The following MCHR2 variants were observed in gnomAD, a reference collection of about 807,000 sequenced individuals.
MCHR2 encodes the protein melanin-concentrating hormone receptor 2.
In MCHR2, 15 loss-of-function variants were observed where a neutral mutation model predicts 24.8. The observed-to-expected ratio is 0.60, with a 90% confidence interval of 0.40 to 0.93. MCHR2 has a LOEUF of 0.93. Among genes scored for constraint, MCHR2 ranks in the 40% least tolerant of loss-of-function variants. The pLI, the probability that MCHR2 is intolerant of heterozygous loss-of-function variation, is 0.00. For synonymous variants in MCHR2, 151 were observed against 147.6 expected, an observed-to-expected ratio of 1.02 and a Z score of -0.17; for missense variants, 386 against 408.7, an observed-to-expected ratio of 0.94 and a Z score of 0.48.
At chr6:99,993,437 C>T (rs1486407262) in intron 1 of MCHR2, among the ~76,000 whole-genome samples, 1 of 152,182 alleles carries the variant, frequency 6.6e-6, no homozygotes, top group Non-Finnish European at 1.5e-5. Context: ...GAGGCGCGTA[C>T]AGGGGACACG....
chr6:99,941,375 G>T (rs1429325687), intron 4 of MCHR2, among the ~76,000 whole-genome samples: 1 of 151,764 alleles, frequency 6.6e-6, no homozygotes, highest in Non-Finnish European at 1.5e-5. Context: ...ATTTTCTGAG[G>T]GCTCTGGGAG....
intron 1 of MCHR2, among the ~76,000 whole-genome samples, chr6:99,957,977 T>C (rs1484310243): frequency 6.6e-6 from 1 of 151,980 alleles, no homozygotes; most frequent in East Asian, 1.9e-4. Flanking sequence ...CTGTGAAAGA[T>C]GATAACATAC....
chr6:99,979,893 T>G (rs1393233270), intron 1 of MCHR2, among the ~76,000 whole-genome samples: 1 of 152,238 alleles, frequency 6.6e-6, no homozygotes, highest in African/African-American at 2.4e-5. Flanking sequence ...CTGAAAAATG[T>G]ATGCTCCTTT....
intron 1 of MCHR2, among the ~76,000 whole-genome samples, chr6:99,983,213 C>G (rs999159757): frequency 5.9e-5 from 9 of 152,126 alleles, no homozygotes; most frequent in Non-Finnish European, 1.3e-4. Flanking sequence ...TCAAGTGATC[C>G]TCCATCCTTG....
At chr6:99,978,840 G>T (rs1775611594) in intron 1 of MCHR2, among the ~76,000 whole-genome samples, 1 of 152,176 alleles carries the variant, frequency 6.6e-6, no homozygotes, top group South Asian at 2.1e-4. Context: ...AGTTTGTGCT[G>T]CAGTCAGTGT....
chr6:99,971,080 T>A (rs945754790), intron 1 of MCHR2, among the ~76,000 whole-genome samples: 1 of 152,156 alleles, frequency 6.6e-6, no homozygotes, highest in African/African-American at 2.4e-5. Context: ...TTAAAGTAGT[T>A]TTTTCCAATT....
At chr6:99,972,895 G>A (rs2114572096) in intron 1 of MCHR2, among the ~76,000 whole-genome samples, 1 of 152,210 alleles carries the variant, frequency 6.6e-6, no homozygotes, top group Admixed American at 6.5e-5. Context: ...TTAATCTTGA[G>A]TTCTAGTTTG....
Position 99,929,512 on chromosome 6 carries a change from C to T in MCHR2, c.707+4886G>A, listed in dbSNP as rs191320843. Among the ~76,000 whole-genome samples, 439 of 152,264 alleles carry T rather than the reference C, an allele frequency of 2.9e-3. 1 individual carries two copies. The highest frequency in any genetic ancestry group is 3.7e-3 in the Non-Finnish European group (254 of 68,042). ...GTCACTCAGGACTTGCTTTATGAAT[C>T]TGGGTGCTGCTGTATTGGGTGCATA... On this transcript the variant is annotated intron_variant, in intron 5 of 5. Transcript: ENST00000281806.
chr6:99,948,258 C>G (rs1237548458), intron 2 of MCHR2, among the ~76,000 whole-genome samples: 1 of 152,140 alleles, frequency 6.6e-6, no homozygotes, highest in Non-Finnish European at 1.5e-5. Context: ...TAACTTGCTT[C>G]TAACAATGAG....
intron 1 of MCHR2, among the ~76,000 whole-genome samples, chr6:99,982,041 G>A (rs9376634): frequency 0.65 from 98,400 of 151,784 alleles, 32,624 homozygotes; most frequent in African/African-American, 0.78. Flanking sequence ...ATCTAATTCC[G>A]TACTCTAGAT....
Position 99,960,716 on chromosome 6 carries a change from A to C in MCHR2, c.-27-4542T>G, listed in dbSNP as rs568839221. Among the ~76,000 whole-genome samples the C allele has an allele frequency of 2.6e-3, 401 of 152,312 alleles. 1 individual carries two copies. The highest frequency in any genetic ancestry group is 4.2e-3 in the Non-Finnish European group (288 of 68,020). On this transcript the variant is annotated intron_variant, in intron 1 of 5. Transcript: ENST00000281806. The stretch of plus-strand genomic sequence containing the variant: ...CTGATCTATGACAAATCTGACAAAA[A>C]CAAGCAAGGGGGAAAGGATTTCCCA...
intron 1 of MCHR2, among the ~76,000 whole-genome samples, chr6:99,991,808 C>CAAAAAAAAAAAAAAAAA (rs3038469): frequency 1.9e-4 from 16 of 82,056 alleles, no homozygotes; most frequent in African/African-American, 3.3e-4. Flanking sequence ...GACTCCGTCT[C>CAAAAAAAAAAAAAAAAA]AAAAAAAAAA....
intron 4 of MCHR2, among the ~76,000 whole-genome samples, chr6:99,940,018 A>G (rs551434347): frequency 4.0e-5 from 6 of 150,936 alleles, no homozygotes; most frequent in South Asian, 4.2e-4. Context: ...TTAGAGTTCT[A>G]TCTTTGTCTT....
rs74614796 is a variant in MCHR2 at position 99,922,069 on chromosome 6, A to C, written c.708-814T>G. 7.8e-3 allele frequency among the ~76,000 whole-genome samples: 1,172 copies of C among 150,522 alleles called. 14 individuals carry two copies. Among genetic ancestry groups the C allele is most frequent in the African/African-American group, 0.028 (1,132 of 41,040 alleles). ...GATTCTAAATCTTGGCAATTTATATAGCCAAGCTTTTCAACTTGTTGCGAT... is the reference window on the plus strand; with the variant it reads ...GATTCTAAATCTTGGCAATTTATATCGCCAAGCTTTTCAACTTGTTGCGAT... On this transcript the variant is annotated intron_variant, in intron 5 of 5. Transcript: ENST00000281806.
chr6:99,976,252 A>G (rs1775549558), intron 1 of MCHR2, among the ~76,000 whole-genome samples: 1 of 152,242 alleles, frequency 6.6e-6, no homozygotes, highest in Non-Finnish European at 1.5e-5. Context: ...ATCTCTTCAA[A>G]TGACAATGAT....
intron 3 of MCHR2, among the ~76,000 whole-genome samples, chr6:99,946,301 A>G (rs186487157): frequency 1.4e-4 from 22 of 152,316 alleles, no homozygotes; most frequent in African/African-American, 5.3e-4. Flanking sequence ...TTACAAGTTG[A>G]GAAGCACATT....
intron 1 of MCHR2, among the ~76,000 whole-genome samples, chr6:99,978,690 T>C (rs1028207656): frequency 6.6e-6 from 1 of 152,118 alleles, no homozygotes; most frequent in African/African-American, 2.4e-5. Context: ...AGTGCTGGGA[T>C]GACAGGCGTG....
intron 1 of MCHR2, among the ~76,000 whole-genome samples, chr6:99,969,128 A>T (rs1775345375): frequency 6.6e-6 from 1 of 152,136 alleles, no homozygotes; most frequent in African/African-American, 2.4e-5. Context: ...TTTCCTCTAA[A>T]TACATTTAGA....
rs112699110 is a variant in MCHR2, at chr6:99,920,741, A to G, written c.*199T>C. 1,155 of 584,130 alleles carry G rather than the reference A, an allele frequency of 2.0e-3. 13 individuals are homozygous for G. The highest frequency in any genetic ancestry group is 0.019 in the African/African-American group (1,046 of 53,660). The allele number at this position is 584,130 out of a possible 1,614,324, so 36.2% of individuals were successfully genotyped here. On this transcript the variant is annotated 3_prime_UTR_variant, in exon 6 of 6. Transcript: ENST00000281806. Reference sequence around the variant, plus strand: ...GACTATCCCATTCCCTACCCACAATATAGATCAACATTTTACATCTTGCTA... The same window carrying G: ...GACTATCCCATTCCCTACCCACAATGTAGATCAACATTTTACATCTTGCTA...
Sources: gnomAD v4.1 joint callset for allele counts (sites outside exome capture counted in the v4.1 genomes callset) on GRCh38, gnomAD v4.1.1 for gene constraint, MANE v1.5 for transcripts, NCBI Gene and HGNC (gene_info 2026-07-23, HGNC 2026-07-21) for gene names.